PRUNE2: variants seen among roughly 807,000 people sequenced by gnomAD.
PRUNE2 encodes protein prune homolog 2.
A neutral mutation model predicts 252.0 loss-of-function variants in PRUNE2; 164 were observed. The observed-to-expected ratio is 0.65, with a 90% CI of 0.57 to 0.74. The LOEUF is 0.74. PRUNE2 is among the 30% of genes least tolerant of loss of function. The pLI, the probability that PRUNE2 is intolerant of heterozygous loss-of-function variation, is 0.00. For missense variants in PRUNE2, 3,495 were observed against 3,711.0 expected (o/e 0.94, Z 1.51); for synonymous variants, 1,292 against 1,350.2 (o/e 0.96, Z 0.94).
rs62567459 is a variant in PRUNE2, at chr9:76,661,239, T to C, written c.8277-5737A>G. Among the ~76,000 whole-genome samples, 864 of 152,232 alleles carry C rather than the reference T, an allele frequency of 5.7e-3. 6 individuals are homozygous for C. The highest frequency in any genetic ancestry group is 8.9e-3 in the Non-Finnish European group (608 of 68,024). ...CTAAACACAAGAAAGCATTACAATA[T>C]TATTATTATTTATCATTATTGTTAG... is the stretch of plus-strand genomic sequence containing the variant. On this transcript the variant is annotated intron_variant, in intron 9 of 18. Coordinates refer to ENST00000376718, the MANE Select transcript of PRUNE2 (RefSeq NM_015225.3).
At chr9:76,745,034 G>A (rs548810680) in intron 6 of PRUNE2, among the ~76,000 whole-genome samples, 2 of 152,176 alleles carry the variant, frequency 1.3e-5, no homozygotes, top group African/African-American at 4.8e-5. Context: ...ACAAGCCCTG[G>A]AAAGTTACAC....
chr9:76,800,552 T>C (rs1660158329), intron 6 of PRUNE2, among the ~76,000 whole-genome samples: 2 of 152,262 alleles, frequency 1.3e-5, no homozygotes, highest in Non-Finnish European at 2.9e-5. Flanking sequence ...CTCTTCTTTT[T>C]CACCTTTAAT....
intron 1 of PRUNE2, chr9:76,868,855 G>T (rs2061010043): frequency 7.3e-6 from 1 of 137,468 alleles, no homozygotes; most frequent in African/African-American, 2.6e-5. Flanking sequence ...GGGGCGGGGG[G>T]GAAGGAAAGG....
chr9:76,717,492 C>A (rs1200783323), intron 6 of PRUNE2, among the ~76,000 whole-genome samples: 2 of 152,194 alleles, frequency 1.3e-5, no homozygotes, highest in African/African-American at 4.8e-5. Context: ...TTCCCCCCAT[C>A]TGCCTTCTAC....
At chr9:76,789,547 A>G (rs1051039039) in intron 6 of PRUNE2, among the ~76,000 whole-genome samples, 2 of 152,138 alleles carry the variant, frequency 1.3e-5, no homozygotes, top group African/African-American at 4.8e-5. Context: ...AGCAATATTC[A>G]AAACAGAGAC....
intron 6 of PRUNE2, among the ~76,000 whole-genome samples, chr9:76,747,144 G>C (rs1485891496): frequency 6.6e-6 from 1 of 152,144 alleles, no homozygotes. Context: ...CTCCCAGCTG[G>C]TGTCTGCTGG....
At chr9:76,780,483 C>G (rs1354758057) in intron 6 of PRUNE2, among the ~76,000 whole-genome samples, 2 of 151,992 alleles carry the variant, frequency 1.3e-5, no homozygotes, top group African/African-American at 4.8e-5. Context: ...GCCAGGAGAT[C>G]AAGACCATCC....
rs1260651601 is a variant in PRUNE2 at position 76,776,331 on chromosome 9, CT to C, written c.756+47300del. Among the ~76,000 whole-genome samples, 489 of 152,138 alleles carry C rather than the reference CT, an allele frequency of 3.2e-3. 5 individuals carry two copies. Among genetic ancestry groups the C allele is most frequent in the African/African-American group, 0.012 (480 of 41,510 alleles). ...GACTCTCCGATGTTATTATTTCACT[CT>C]CTGTGTCCATGTGTACACACTGTTT... On this transcript the variant is annotated intron_variant, in intron 6 of 18. Coordinates refer to ENST00000376718, the MANE Select transcript of PRUNE2 (RefSeq NM_015225.3).
At chr9:76,722,644 G>A (rs1207093677) in intron 6 of PRUNE2, among the ~76,000 whole-genome samples, 2 of 151,974 alleles carry the variant, frequency 1.3e-5, no homozygotes, top group Non-Finnish European at 2.9e-5. Flanking sequence ...ATTAAGTATT[G>A]CCTCTGCATT....
intron 11 of PRUNE2, among the ~76,000 whole-genome samples, chr9:76,651,678 GA>G (rs370926841): frequency 6.4e-4 from 97 of 152,270 alleles, no homozygotes; most frequent in Middle Eastern, 3.4e-3. Flanking sequence ...AAGAACTAAA[GA>G]AAGACTGAAG....
In PRUNE2 at chr9:76,613,946, T is replaced by C. The variant is rs1238801171; in HGVS notation, c.*624A>G. 6.6e-6 allele frequency: 1 copy of C among 152,226 alleles called. No individual in the cohort carries two copies. The highest frequency in any genetic ancestry group is 2.4e-5 in the African/African-American group (1 of 41,460). The allele number at this position is 152,226 out of a possible 1,614,324, so 9.4% of individuals were successfully genotyped here. A position where few individuals can be genotyped will look rare whatever the true frequency, so the allele number is the denominator to read the frequency against. ...TTAAAAGACCAATTTACATAAAATA[T>C]AATGCCCAATTTGACAACTAAAATA... On this transcript the variant is annotated 3_prime_UTR_variant, in exon 19 of 19. Coordinates refer to ENST00000376718, the MANE Select transcript of PRUNE2 (RefSeq NM_015225.3).
chr9:76,685,932 G>C (rs2044032996), intron 9 of PRUNE2, among the ~76,000 whole-genome samples: 2 of 152,170 alleles, frequency 1.3e-5, no homozygotes, highest in Non-Finnish European at 2.9e-5. Context: ...TCCAGGGAGA[G>C]AGAGAAACCT....
At chr9:76,671,638 AG>A (rs2133944468) in intron 9 of PRUNE2, among the ~76,000 whole-genome samples, 2 of 152,332 alleles carry the variant, frequency 1.3e-5, no homozygotes, top group African/African-American at 4.8e-5. Context: ...AAAAATGTTA[AG>A]GGAAGCCAGA....
At chr9:76,704,385 C>T (rs1344140362) in intron 8 of PRUNE2, among the ~76,000 whole-genome samples, 1 of 151,908 alleles carries the variant, frequency 6.6e-6, no homozygotes. Context: ...CCCCCACGCC[C>T]AGCTAATTTT....
chr9:76,740,873 C>T lies in PRUNE2; in HGVS notation c.757-27152G>A, dbSNP rs146199658. On this transcript the variant is annotated intron_variant, in intron 6 of 18. Transcript: ENST00000376718. ...TGTTTTTTAAATAATCACAAATTCA[C>T]ATCTCACTATTGAGATGGTTTCTCC... Among the ~76,000 whole-genome samples the T allele has an allele frequency of 1.6e-3, 239 of 152,280 alleles. 3 individuals are homozygous for T. Among genetic ancestry groups the T allele is most frequent in the Admixed American group, 0.014 (207 of 15,286 alleles).
intron 6 of PRUNE2, among the ~76,000 whole-genome samples, chr9:76,776,568 T>A (rs566511511): frequency 1.1e-5 from 1 of 94,900 alleles, no homozygotes; most frequent in African/African-American, 6.6e-5. Flanking sequence ...CAAATTGGAG[T>A]GCAGTGCACA....
chr9:76,700,519 G>A (rs538890949), intron 9 of PRUNE2, among the ~76,000 whole-genome samples: 2 of 152,180 alleles, frequency 1.3e-5, no homozygotes, highest in South Asian at 4.2e-4. Context: ...CCTCTTCTTT[G>A]CCTTTCCAAA....
intron 9 of PRUNE2, among the ~76,000 whole-genome samples, chr9:76,702,606 A>G (rs2045972884): frequency 3.1e-5 from 1 of 31,846 alleles, no homozygotes; most frequent in South Asian, 9.6e-4. Flanking sequence ...CAAAAACCAC[A>G]TGGTGAATGA....
chr9:76,766,131 C>G (rs574118578), intron 6 of PRUNE2, among the ~76,000 whole-genome samples: 2 of 146,570 alleles, frequency 1.4e-5, no homozygotes, highest in South Asian at 4.5e-4. Context: ...TGCAGTGAGC[C>G]AAGATTGCGC....
Sources: allele counts gnomAD v4.1 joint callset (sites outside exome capture counted in the v4.1 genomes callset), GRCh38; gene constraint gnomAD v4.1.1; transcripts MANE v1.5; gene names NCBI Gene and HGNC (gene_info 2026-07-23, HGNC 2026-07-21).